The following HTR2C variants were observed in gnomAD, a reference collection of about 807,000 sequenced individuals.
HTR2C encodes the protein 5-hydroxytryptamine (serotonin) receptor 2C, G protein-coupled.
In HTR2C, 5 loss-of-function variants were observed where a neutral mutation model predicts 21.0. The observed-to-expected ratio is 0.24, with a 90% confidence interval of 0.12 to 0.50. The LOEUF (loss-of-function observed/expected upper bound fraction) is 0.50, where lower values mean the gene tolerates loss of function less well. Among genes scored for constraint, HTR2C ranks in the 20% least tolerant of loss-of-function variants. HTR2C has a pLI of 0.98. For synonymous variants in HTR2C, 150 were observed against 145.3 expected, an observed-to-expected ratio of 1.03 and a Z score of -0.23; for missense variants, 271 against 371.2, an observed-to-expected ratio of 0.73 and a Z score of 2.22.
intron 4 of HTR2C, among the ~76,000 whole-genome samples, chrX:114,824,173 T>C (rs1170726786): frequency 9.0e-6 from 1 of 111,606 alleles, no homozygotes; most frequent in East Asian, 2.8e-4. Context: ...GTTAGCGGCA[T>C]GTCCCTACAA....
At chrX:114,714,016 GA>G (rs1441125787) in intron 2 of HTR2C, among the ~76,000 whole-genome samples, 3 of 111,545 alleles carry the variant, frequency 2.7e-5, no homozygotes, top group Non-Finnish European at 3.8e-5. Context: ...AATCTAATTA[GA>G]AAATTTAAAA....
At chrX:114,607,929 A>G (rs1176491934) in intron 1 of HTR2C, among the ~76,000 whole-genome samples, 2 of 111,221 alleles carry the variant, frequency 1.8e-5, no homozygotes, top group African/African-American at 6.5e-5. Flanking sequence ...GGAGGCTGCA[A>G]TGAGCCAAGA....
At chrX:114,877,291 G>A (rs1447727110) in intron 5 of HTR2C, among the ~76,000 whole-genome samples, 1 of 111,145 alleles carries the variant, frequency 9.0e-6, no homozygotes, top group East Asian at 2.8e-4. Context: ...CATTTGCAAT[G>A]TCTGCTCTTT....
intron 4 of HTR2C, among the ~76,000 whole-genome samples, chrX:114,797,048 A>G (rs781809850): frequency 8.9e-6 from 1 of 112,019 alleles, no homozygotes; most frequent in Non-Finnish European, 1.9e-5. Context: ...AGTTTCATTG[A>G]AATTGGCTCC....
intron 4 of HTR2C, among the ~76,000 whole-genome samples, chrX:114,742,534 G>A (rs2069658869): frequency 9.1e-6 from 1 of 110,285 alleles, no homozygotes; most frequent in Non-Finnish European, 1.9e-5. Flanking sequence ...AACAAAATCA[G>A]CATTCTCAAG....
chrX:114,775,120 T>C, intron 4 of HTR2C: 1 of 517,673 alleles, frequency 1.9e-6, no homozygotes, highest in Non-Finnish European at 3.5e-6. Context: ...GACTGTTGCT[T>C]TCATGTGGAA....
intron 2 of HTR2C, among the ~76,000 whole-genome samples, chrX:114,702,029 G>C (rs28838049): frequency 6.2e-4 from 66 of 106,506 alleles, no homozygotes; most frequent in African/African-American, 1.8e-3. Flanking sequence ...AAAGAGAAAC[G>C]AACAAAGCCT....
intron 5 of HTR2C, among the ~76,000 whole-genome samples, chrX:114,860,220 G>A (rs1186540358): frequency 9.0e-6 from 1 of 111,384 alleles, no homozygotes; most frequent in Non-Finnish European, 1.9e-5. Context: ...TAAAATCTCT[G>A]ACAATCATCA....
intron 4 of HTR2C, among the ~76,000 whole-genome samples, chrX:114,777,594 G>A (rs1335885287): frequency 9.0e-6 from 1 of 111,601 alleles, no homozygotes; most frequent in Non-Finnish European, 1.9e-5. Context: ...GTTTTGCTCT[G>A]TCACCCAGGC....
intron 2 of HTR2C, among the ~76,000 whole-genome samples, chrX:114,706,513 A>T (rs1438425560): frequency 1.1e-5 from 1 of 93,302 alleles, no homozygotes; most frequent in Non-Finnish European, 2.1e-5. Context: ...AACAATGAGA[A>T]CACACATGGA....
intron 1 of HTR2C, among the ~76,000 whole-genome samples, chrX:114,610,513 C>T (rs1556398337): frequency 8.9e-6 from 1 of 111,732 alleles, no homozygotes; most frequent in African/African-American, 3.3e-5. Flanking sequence ...CTTAATGTCA[C>T]CTCATAAATC....
intron 4 of HTR2C, among the ~76,000 whole-genome samples, chrX:114,796,169 A>G (rs782659918): frequency 2.7e-5 from 3 of 111,778 alleles, no homozygotes; most frequent in African/African-American, 9.7e-5. Flanking sequence ...AATGAATGCT[A>G]GAGGTGTGAT....
chrX:114,863,262 C>G (rs996198886), intron 5 of HTR2C, among the ~76,000 whole-genome samples: 1 of 111,084 alleles, frequency 9.0e-6, no homozygotes, highest in Non-Finnish European at 1.9e-5. Flanking sequence ...CTTTCAGGAA[C>G]CTCCATACTG....
At chrX:114,788,716 C>T (rs182653253) in intron 4 of HTR2C, among the ~76,000 whole-genome samples, 79 of 111,573 alleles carry the variant, frequency 7.1e-4, no homozygotes, top group African/African-American at 2.1e-3. Flanking sequence ...GGCATAATCA[C>T]GGCTCACTGC....
At chrX:114,739,496 C>T (rs1345269475) in intron 4 of HTR2C, among the ~76,000 whole-genome samples, 1 of 111,048 alleles carries the variant, frequency 9.0e-6, no homozygotes, top group Non-Finnish European at 1.9e-5. Flanking sequence ...GGAGAAACCT[C>T]CATTTAAAAT....
At chrX:114,746,979 C>A (rs1017211686) in intron 4 of HTR2C, among the ~76,000 whole-genome samples, 2 of 108,789 alleles carry the variant, frequency 1.8e-5, no homozygotes. Context: ...AGCGAGACTC[C>A]GTCTCAAAAA....
intron 4 of HTR2C, among the ~76,000 whole-genome samples, chrX:114,802,340 T>C (rs2070354356): frequency 9.0e-6 from 1 of 111,431 alleles, no homozygotes; most frequent in African/African-American, 3.2e-5. Context: ...TTCAATCTAA[T>C]GATACTGTTA....
At chrX:114,593,476 C>G (rs1927713086) in intron 1 of HTR2C, among the ~76,000 whole-genome samples, 1 of 111,577 alleles carries the variant, frequency 9.0e-6, no homozygotes, top group South Asian at 3.7e-4. Flanking sequence ...TTACATGCAT[C>G]ACGTCACTTT....
intron 2 of HTR2C, among the ~76,000 whole-genome samples, chrX:114,660,423 T>C (rs1930941951): frequency 8.9e-6 from 1 of 112,385 alleles, no homozygotes. Flanking sequence ...GTTTATTGAC[T>C]TTATTACAAG....
Sources: allele counts gnomAD v4.1 joint callset (sites outside exome capture counted in the v4.1 genomes callset), GRCh38; gene constraint gnomAD v4.1.1; transcripts MANE v1.5; gene names NCBI Gene and HGNC (gene_info 2026-07-23, HGNC 2026-07-21).